CCDC60: variants seen among roughly 807,000 people sequenced by gnomAD.
The protein encoded by CCDC60 is coiled-coil domain-containing protein 60.
CCDC60 carries 54 observed loss-of-function variants against 63.5 expected under a neutral mutation model. That is an observed-to-expected ratio of 0.85 (90% CI 0.68 to 1.07). CCDC60 has a LOEUF of 1.07. Ranked by LOEUF, CCDC60 falls within the 50% of genes least tolerant of loss-of-function variation. The pLI is 0.00. For missense variants in CCDC60, 651 were observed against 684.3 expected (o/e 0.95, Z 0.54); for synonymous variants, 206 against 238.8 (o/e 0.86, Z 1.27).
intron 2 of CCDC60, among the ~76,000 whole-genome samples, chr12:119,434,688 G>A (rs958939899): frequency 6.6e-6 from 1 of 152,178 alleles, no homozygotes; most frequent in Admixed American, 6.5e-5. Flanking sequence ...AGGGTGAAAG[G>A]TGGTGTATTT....
chr12:119,338,058 G>A (rs961695368), intron 1 of CCDC60, among the ~76,000 whole-genome samples: 1 of 152,090 alleles, frequency 6.6e-6, no homozygotes, highest in African/African-American at 2.4e-5. Flanking sequence ...GAAACTGTTG[G>A]ATAGACCAAG....
intron 1 of CCDC60, among the ~76,000 whole-genome samples, chr12:119,341,190 A>G (rs545059302): frequency 6.6e-6 from 1 of 152,362 alleles, no homozygotes; most frequent in South Asian, 2.1e-4. Context: ...TTGCATGGGC[A>G]TGTGACAGTC....
Position 119,527,745 on chromosome 12 carries a change from C to T in CCDC60, c.1230-870C>T, listed in dbSNP as rs568409254. Among the ~76,000 whole-genome samples the T allele has an allele frequency of 7.9e-5, 11 of 139,314 alleles. 1 individual carries two copies. The highest frequency in any genetic ancestry group is 1.4e-4 in the Non-Finnish European group (9 of 65,650). The allele number at this position is 139,314 out of a possible 152,430, so 91.4% of individuals were successfully genotyped here. A position where few individuals can be genotyped will look rare whatever the true frequency, so the allele number is the denominator to read the frequency against. On this transcript the variant is annotated intron_variant, in intron 11 of 13. Transcript: ENST00000327554. ...AGGCTAGAGTGCAGTGGCGCAATCT[C>T]GGCTCACTGCAAGCTCCGCCTCCTG...
rs772386912 is a variant in CCDC60 at position 119,505,202 on chromosome 12, C to T, written c.782C>T (p.Ser261Leu). Residue 261 changes from serine to leucine, a missense_variant, in exon 7 of 14, where the codon TCG becomes TTG. Physicochemically the swap from Ser to Leu is moderately radical, Grantham distance 145 (BLOSUM62 -2). Transcript: ENST00000327554. ...QSSMISVNPG[S>L]DEPPSVNTQV... ...AGCATGATCTCTGTGAACCCTGGCT[C>T]GGATGAGCCCCCAAGTGTGAACACC... 6.8e-6 allele frequency: 11 copies of T among 1,613,920 alleles called. No homozygotes were observed. The highest frequency in any genetic ancestry group is 3.3e-5 in the Admixed American group (2 of 60,010).
At chr12:119,400,088 C>G (rs1353121514) in intron 1 of CCDC60, among the ~76,000 whole-genome samples, 1 of 137,826 alleles carries the variant, frequency 7.3e-6, no homozygotes. Context: ...CTCACTCTGT[C>G]GCCCAGGCTG....
At chr12:119,531,152 A>T in intron 13 of CCDC60, 89 bp downstream of exon 13, 1 of 1,168,196 alleles carries the variant, frequency 8.6e-7, no homozygotes, top group Non-Finnish European at 1.2e-6. Context: ...AGTGCTGGGG[A>T]CACAAAGTCC....
intron 1 of CCDC60, among the ~76,000 whole-genome samples, chr12:119,359,952 A>G (rs1411695529): frequency 6.6e-6 from 1 of 152,064 alleles, no homozygotes; most frequent in Admixed American, 6.6e-5. Context: ...CAGACACGGC[A>G]ACCATCCCAT....
chr12:119,511,076 G>C (rs942405598), intron 7 of CCDC60, among the ~76,000 whole-genome samples: 1 of 152,072 alleles, frequency 6.6e-6, no homozygotes, highest in Non-Finnish European at 1.5e-5. Flanking sequence ...CACACAGTAG[G>C]AACACAAAAA....
intron 1 of CCDC60, among the ~76,000 whole-genome samples, chr12:119,419,234 G>A (rs752440625): frequency 1.4e-4 from 21 of 152,266 alleles, no homozygotes; most frequent in African/African-American, 1.9e-4. Flanking sequence ...TCCTTTCTCC[G>A]TGTCTGCTTC....
At chr12:119,490,859 T>C (rs1281946626) in intron 5 of CCDC60, among the ~76,000 whole-genome samples, 1 of 152,140 alleles carries the variant, frequency 6.6e-6, no homozygotes, top group Non-Finnish European at 1.5e-5. Context: ...GATTACAGGC[T>C]ATTTATTTTT....
chr12:119,399,458 A>C (rs903345006), intron 1 of CCDC60, among the ~76,000 whole-genome samples: 3 of 152,142 alleles, frequency 2.0e-5, no homozygotes, highest in African/African-American at 7.2e-5. Context: ...ATGAGTGGCC[A>C]ATTTCTTTTT....
At chr12:119,400,141 C>T (rs574236330) in intron 1 of CCDC60, among the ~76,000 whole-genome samples, 19 of 151,986 alleles carry the variant, frequency 1.3e-4, no homozygotes, top group Admixed American at 6.5e-4. Context: ...CCTCCGCCTC[C>T]GGGGTTCACA....
chr12:119,456,334 G>A lies in CCDC60; in HGVS notation c.171-15660G>A, dbSNP rs529215461. Among the ~76,000 whole-genome samples the A allele has an allele frequency of 8.2e-4, 125 of 152,304 alleles. No homozygotes were observed. The highest frequency in any genetic ancestry group is 3.0e-3 in the African/African-American group (123 of 41,564). ...GGGAAACTACCTAAAGTAAATGATGGTTTCTGGCTAGGTTAAGGAAGAGAG... is the reference window on the plus strand; with the variant it reads ...GGGAAACTACCTAAAGTAAATGATGATTTCTGGCTAGGTTAAGGAAGAGAG... On this transcript the variant is annotated intron_variant, in intron 2 of 13. Coordinates refer to ENST00000327554, the MANE Select transcript of CCDC60 (RefSeq NM_178499.5). The surrounding 1 kb of genome is among the most constrained non-coding windows in gnomAD (Gnocchi z 4.6).
At chr12:119,379,847 G>C (rs1955990552) in intron 1 of CCDC60, among the ~76,000 whole-genome samples, 1 of 152,116 alleles carries the variant, frequency 6.6e-6, no homozygotes, top group Middle Eastern at 3.2e-3. Context: ...ACCCTGCTTG[G>C]ATATAAAGCA....
At chr12:119,535,578 T>A (rs10219632) in intron 13 of CCDC60, among the ~76,000 whole-genome samples, 2 of 152,252 alleles carry the variant, frequency 1.3e-5, no homozygotes, top group East Asian at 3.9e-4. Context: ...CTCTACACAC[T>A]GCTTTAAGTG....
At chr12:119,336,223 A>T (rs1296167823) in intron 1 of CCDC60, among the ~76,000 whole-genome samples, 1 of 151,574 alleles carries the variant, frequency 6.6e-6, no homozygotes, top group Non-Finnish European at 1.5e-5. Context: ...GTGCACATGT[A>T]CCCTAAAACT....
chr12:119,472,200 T>C, intron 3 of CCDC60, 36 bp downstream of exon 3: 3 of 1,601,044 alleles, frequency 1.9e-6, no homozygotes, highest in Non-Finnish European at 2.6e-6. Context: ...CTGAAGGTTT[T>C]GGGAATGACC....
chr12:119,467,825 GA>G (rs1371616389), intron 2 of CCDC60, among the ~76,000 whole-genome samples: 11 of 152,232 alleles, frequency 7.2e-5, no homozygotes, highest in Non-Finnish European at 1.2e-4. Context: ...GTGAAGTTAA[GA>G]GGTTGCAAAC....
chr12:119,346,774 C>CTCTTTCTTTCTTTCTT lies in CCDC60; in HGVS notation c.90+11554_90+11569dup, dbSNP rs61270891. On this transcript the variant is annotated intron_variant, in intron 1 of 13. Transcript: ENST00000327554. ...CTGCATGTGGCTTAGACTCATCTTT[C>CTCTTTCTTTCTTTCTT]TCTTTCTTTCTTTCTTTCTTTCTTT... Among the ~76,000 whole-genome samples the CTCTTTCTTTCTTTCTT allele has an allele frequency of 4.7e-3, 589 of 125,366 alleles. 6 individuals are homozygous for CTCTTTCTTTCTTTCTT. Among genetic ancestry groups the CTCTTTCTTTCTTTCTT allele is most frequent in the Middle Eastern group, 0.013 (3 of 226 alleles). The allele number at this position is 125,366 out of a possible 152,430, so 82.2% of individuals were successfully genotyped here.
Sources: gnomAD v4.1 joint callset for allele counts (sites outside exome capture counted in the v4.1 genomes callset) on GRCh38, gnomAD v4.1.1 for gene constraint, Gnocchi (gnomAD v3.1) non-coding constraint, MANE v1.5 for transcripts, NCBI Gene and HGNC (gene_info 2026-07-23, HGNC 2026-07-21) for gene names.